The following NDFIP1 variants were observed in gnomAD, a reference collection of about 807,000 sequenced individuals.
NDFIP1 encodes the protein Nedd4 family interacting protein 1.
A neutral mutation model predicts 28.8 loss-of-function variants in NDFIP1; 7 were observed. The observed-to-expected ratio is 0.24, with a 90% CI of 0.14 to 0.46. The LOEUF is 0.46. Among genes scored for constraint, NDFIP1 ranks in the 20% least tolerant of loss-of-function variants. The probability of loss-of-function intolerance (pLI) is 0.99; values close to 1 mark genes in which losing one functional copy is unlikely to be tolerated. For missense variants in NDFIP1, 194 were observed against 269.1 expected, an observed-to-expected ratio of 0.72 and a Z score of 1.95; for synonymous variants, 92 against 101.0, an observed-to-expected ratio of 0.91 and a Z score of 0.53.
intron 1 of NDFIP1, among the ~76,000 whole-genome samples, chr5:142,113,916 T>C (rs555036029): frequency 6.6e-6 from 1 of 152,336 alleles, no homozygotes; most frequent in African/African-American, 2.4e-5. Flanking sequence ...AATAGTCCAT[T>C]TTATATATGT....
chr5:142,129,491 G>A (rs1757204325), intron 1 of NDFIP1, among the ~76,000 whole-genome samples: 1 of 152,188 alleles, frequency 6.6e-6, no homozygotes, highest in Admixed American at 6.5e-5. Flanking sequence ...TCGAAAAAAT[G>A]TACCCAGATG....
chr5:142,111,438 A>G (rs2126908459), intron 1 of NDFIP1, among the ~76,000 whole-genome samples: 1 of 152,268 alleles, frequency 6.6e-6, no homozygotes, highest in South Asian at 2.1e-4. Context: ...TTTATTTCAC[A>G]TACGTCTTCA....
intron 5 of NDFIP1, 44 bp downstream of exon 5, chr5:142,137,902 A>T (rs778114215): frequency 6.4e-7 from 1 of 1,551,940 alleles, no homozygotes; most frequent in Non-Finnish European, 8.7e-7. Flanking sequence ...GAGAGGCAAT[A>T]ATCAGAATAT....
intron 1 of NDFIP1, among the ~76,000 whole-genome samples, chr5:142,110,995 C>T (rs940113645): frequency 1.3e-5 from 2 of 151,980 alleles, no homozygotes; most frequent in East Asian, 3.9e-4. Flanking sequence ...ACACACTCAC[C>T]TACTTAAAAC....
intron 7 of NDFIP1, among the ~76,000 whole-genome samples, chr5:142,145,104 T>C (rs1472065704): frequency 6.6e-6 from 1 of 152,210 alleles, no homozygotes. Flanking sequence ...TGTAGTACTT[T>C]AAGAACTCCT....
intron 1 of NDFIP1, among the ~76,000 whole-genome samples, chr5:142,119,818 T>C (rs975388627): frequency 3.3e-5 from 5 of 152,248 alleles, no homozygotes; most frequent in Admixed American, 3.3e-4. Flanking sequence ...CATCTTAGAC[T>C]TATTGTTAAA....
chr5:142,127,032 T>G lies in NDFIP1; in HGVS notation c.64-4776T>G, dbSNP rs563985354. On this transcript the variant is annotated intron_variant, in intron 1 of 7. Transcript: ENST00000253814. ...TTTTATTTTATTTATTTATTTATTT[T>G]TGAGACAGAATCTCACTTTGTCGCC... 3.9e-5 allele frequency among the ~76,000 whole-genome samples: 6 copies of G among 152,308 alleles called. 1 individual carries two copies. The highest frequency in any genetic ancestry group is 1.4e-4 in the African/African-American group (6 of 41,568).
In NDFIP1 at chr5:142,153,574, TAGAG is replaced by T. The variant is rs906196450; in HGVS notation, c.*1848_*1851del. The T allele has an allele frequency of 3.6e-6, 1 of 280,492 alleles. No homozygotes were observed. The highest frequency in any genetic ancestry group is 2.2e-5 in the African/African-American group (1 of 44,872). 17.4% of individuals were successfully genotyped at this position (280,492 alleles called of 1,614,324 possible). A position where few individuals can be genotyped will look rare whatever the true frequency, so the allele number is the denominator to read the frequency against. ...CTTTTTCAGAAGTTATATTTGATAA[TAGAG>T]AAGGGAGTTTTATGGAAGTTTCTTT... is the stretch of plus-strand genomic sequence containing the variant. On this transcript the variant is annotated 3_prime_UTR_variant, in exon 8 of 8. Coordinates refer to ENST00000253814, the MANE Select transcript of NDFIP1 (RefSeq NM_030571.4).
chr5:142,131,449 AT>A (rs1561601544), intron 1 of NDFIP1, among the ~76,000 whole-genome samples: 2 of 152,052 alleles, frequency 1.3e-5, no homozygotes, highest in Admixed American at 6.5e-5. Context: ...TAATTTTTGT[AT>A]TTTTAGTAGA....
rs1332281081 is a variant in NDFIP1 at position 142,131,915 on chromosome 5, G to A, written c.151+20G>A. 1 of 1,554,148 alleles carries A rather than the reference G, an allele frequency of 6.4e-7. No homozygotes were observed. Reference sequence around the variant, plus strand: ...GCGCAGGTAGGTAACAGGGCAAGGTGATCACGGAATCCTTAAAAACACTCT... The same window carrying A: ...GCGCAGGTAGGTAACAGGGCAAGGTAATCACGGAATCCTTAAAAACACTCT... On this transcript the variant is annotated intron_variant, in intron 2 of 7. Coordinates refer to ENST00000253814, the MANE Select transcript of NDFIP1 (RefSeq NM_030571.4).
intron 1 of NDFIP1, among the ~76,000 whole-genome samples, chr5:142,119,289 A>G (rs935237721): frequency 1.3e-5 from 2 of 152,246 alleles, no homozygotes; most frequent in Non-Finnish European, 2.9e-5. Flanking sequence ...TCTGATATAC[A>G]TGTGTAAGTT....
At chr5:142,146,536 G>A (rs1241258823) in intron 7 of NDFIP1, among the ~76,000 whole-genome samples, 1 of 152,262 alleles carries the variant, frequency 6.6e-6, no homozygotes, top group East Asian at 1.9e-4. Flanking sequence ...CTTATGAAGG[G>A]TGCTGAAATC....
intron 4 of NDFIP1, 138 bp from the exon 5 acceptor site, chr5:142,137,596 G>A (rs900611285): frequency 1.1e-6 from 1 of 948,744 alleles, no homozygotes; most frequent in Non-Finnish European, 1.6e-6. Context: ...ATGTTTTAGA[G>A]GAGGTATGGT....
rs745772278 is a variant in NDFIP1, at chr5:142,148,777, A to AAAAAAAAAAG, written c.*3-2954_*3-2953insAAAAAAAAAG. The stretch of plus-strand genomic sequence containing the variant: ...AAAAAAAAAAAAAAAAAAAAAAAAA[A>AAAAAAAAAAG]GTATGTGACTGAGGAAGCAGAAGAA... On this transcript the variant is annotated intron_variant, in intron 7 of 7. Coordinates refer to ENST00000253814, the MANE Select transcript of NDFIP1 (RefSeq NM_030571.4). Among the ~76,000 whole-genome samples the AAAAAAAAAAG allele has an allele frequency of 6.3e-5, 6 of 95,986 alleles. 2 individuals are homozygous for AAAAAAAAAAG. The highest frequency in any genetic ancestry group is 2.5e-4 in the Admixed American group (2 of 8,088). The allele number at this position is 95,986 out of a possible 152,430, so 63.0% of individuals were successfully genotyped here.
intron 6 of NDFIP1, chr5:142,143,673 T>C (rs1596794884): frequency 1.3e-5 from 2 of 152,216 alleles, no homozygotes; most frequent in East Asian, 3.9e-4. Context: ...ATGTATAGAT[T>C]CTGGTGTAGT....
At chr5:142,124,470 A>T (rs994312202) in intron 1 of NDFIP1, among the ~76,000 whole-genome samples, 2 of 152,282 alleles carry the variant, frequency 1.3e-5, no homozygotes, top group Admixed American at 6.5e-5. Context: ...TTCTAACATA[A>T]ATAATTTTCT....
intron 3 of NDFIP1, chr5:142,134,029 T>A (rs1043678949): frequency 1.3e-5 from 2 of 152,228 alleles, no homozygotes; most frequent in Non-Finnish European, 2.9e-5. Context: ...GTTCTGTGGA[T>A]GTAGTAATTG....
intron 7 of NDFIP1, among the ~76,000 whole-genome samples, chr5:142,147,708 TCTAA>T (rs1447764311): frequency 6.6e-6 from 1 of 152,238 alleles, no homozygotes; most frequent in Non-Finnish European, 1.5e-5. Context: ...TGATCTTATT[TCTAA>T]CTGTCATGTA....
chr5:142,153,350 T>C lies in NDFIP1; in HGVS notation c.*1622T>C, dbSNP rs1168320955. The C allele has an allele frequency of 4.4e-6, 2 of 456,654 alleles. No homozygotes were observed. Among genetic ancestry groups the C allele is most frequent in the African/African-American group, 4.0e-5 (2 of 50,088 alleles). The allele number at this position is 456,654 out of a possible 1,614,324, so 28.3% of individuals were successfully genotyped here. A position where few individuals can be genotyped will look rare whatever the true frequency, so the allele number is the denominator to read the frequency against. Reference sequence around the variant, plus strand: ...ACAAATCAGCACCAGCACAGTCTGATAGCTGCAAATGTCCATTCATCTGCT... The same window carrying C: ...ACAAATCAGCACCAGCACAGTCTGACAGCTGCAAATGTCCATTCATCTGCT... On this transcript the variant is annotated 3_prime_UTR_variant, in exon 8 of 8. Coordinates refer to ENST00000253814, the MANE Select transcript of NDFIP1 (RefSeq NM_030571.4).
Sources: gnomAD v4.1 joint callset for allele counts (sites outside exome capture counted in the v4.1 genomes callset) on GRCh38, gnomAD v4.1.1 for gene constraint, MANE v1.5 for transcripts, NCBI Gene and HGNC (gene_info 2026-07-23, HGNC 2026-07-21) for gene names.